TXNL4A: variants seen among roughly 807,000 people sequenced by gnomAD.
The protein encoded by TXNL4A is thioredoxin like 4A.
A neutral mutation model predicts 14.6 loss-of-function variants in TXNL4A; 17 were observed. The ratio of observed to expected loss-of-function variants is 1.16; its 90% CI spans 0.80 to 1.74. The LOEUF is 1.74. TXNL4A is among the 40% of genes most tolerant of loss of function. The pLI, the probability that TXNL4A is intolerant of heterozygous loss-of-function variation, is 0.00. For missense variants in TXNL4A, 74 were observed against 195.2 expected, an observed-to-expected ratio of 0.38 and a Z score of 3.70; for synonymous variants, 83 against 70.6, an observed-to-expected ratio of 1.18 and a Z score of -0.88.
chr18:80,026,022 A>T (rs925225693), intron 1 of TXNL4A, among the ~76,000 whole-genome samples: 3 of 152,248 alleles, frequency 2.0e-5, no homozygotes, highest in African/African-American at 7.2e-5. Context: ...ACACATCTTG[A>T]TATAACTTTT....
chr18:79,976,068 G>T (rs1326239361), intron 2 of TXNL4A, among the ~76,000 whole-genome samples: 2 of 152,176 alleles, frequency 1.3e-5, no homozygotes, highest in Non-Finnish European at 2.9e-5. Context: ...CTAACAGGAG[G>T]CACCTAGGAA....
upstream of TXNL4A, among the ~76,000 whole-genome samples, chr18:79,992,340 AG>A (rs2051633402): frequency 6.6e-6 from 1 of 152,208 alleles, no homozygotes; most frequent in Non-Finnish European, 1.5e-5. Context: ...CGCCAAAGAA[AG>A]GGACTGGCAA....
Position 79,988,531 on chromosome 18 carries a change from A to C in TXNL4A, c.-139T>G. 1.1e-6 allele frequency: 1 copy of C among 921,974 alleles called. No homozygotes were observed. Among genetic ancestry groups the C allele is most frequent in the Non-Finnish European group, 1.4e-6 (1 of 704,476 alleles). The allele number at this position is 921,974 out of a possible 1,614,324, so 57.1% of individuals were successfully genotyped here. On this transcript the variant is annotated 5_prime_UTR_variant, in exon 1 of 3. Transcript: ENST00000269601. ...AATCCGGTCCCGCCCGCACACGCAA[A>C]CTCCGCTGGGACTGCCACCCGGCAG...
intron 1 of TXNL4A, among the ~76,000 whole-genome samples, chr18:79,997,600 TTACTTGGAAAGAAGGGCAATA>T (rs1296008108): frequency 2.0e-5 from 3 of 152,178 alleles, no homozygotes; most frequent in Non-Finnish European, 2.9e-5. Flanking sequence ...TTGTTTACCT[TTACTTGGAAAGAAGGGCAATA>T]TATGTGGACG....
intron 1 of TXNL4A, among the ~76,000 whole-genome samples, chr18:80,021,856 A>G (rs2051851317): frequency 6.6e-6 from 1 of 152,230 alleles, no homozygotes; most frequent in Non-Finnish European, 1.5e-5. Flanking sequence ...AATTTGGACC[A>G]GTATAACAGT....
chr18:80,013,563 T>A (rs2051786621), intron 1 of TXNL4A, among the ~76,000 whole-genome samples: 2 of 152,194 alleles, frequency 1.3e-5, no homozygotes, highest in Admixed American at 1.3e-4. Flanking sequence ...GCCTCCCAAG[T>A]AGCTGGGATT....
intron 2 of TXNL4A, 87 bp downstream of exon 2, chr18:79,977,511 A>G (rs762124416): frequency 1.7e-6 from 2 of 1,196,836 alleles, no homozygotes; most frequent in Non-Finnish European, 2.4e-6. Flanking sequence ...ACTTCCTTCA[A>G]AATAAAATAA....
In TXNL4A at chr18:79,971,269, CAT is replaced by C. The variant is rs2051298439; in HGVS notation, c.*2414_*2415del. On this transcript the variant is annotated 3_prime_UTR_variant, in exon 3 of 3. Coordinates refer to ENST00000269601, the MANE Select transcript of TXNL4A (RefSeq NM_006701.5). ...TTCTGTGTACGAGTTTCTATGTGGA[CAT>C]ATGCGTTCAATTCTCCTGGGTATGA... 1 of 152,272 alleles carries C rather than the reference CAT, an allele frequency of 6.6e-6. No homozygotes were observed. Among genetic ancestry groups the C allele is most frequent in the Non-Finnish European group, 1.5e-5 (1 of 68,062 alleles). 9.4% of individuals were successfully genotyped at this position (152,272 alleles called of 1,614,324 possible). A position where few individuals can be genotyped will look rare whatever the true frequency, so the allele number is the denominator to read the frequency against.
rs114627717 is a variant in TXNL4A at position 80,004,668 on chromosome 18, T to A, written c.-60-26967A>T. ...GAACTCCTCTGTGTACACATTGAAT[T>A]TAGAACTTTAGCTTTGACCCATGCA... is the stretch of plus-strand genomic sequence containing the variant. On this transcript the variant is annotated intron_variant, in intron 1 of 2. Coordinates refer to the TXNL4A transcript ENST00000585474. 8.4e-3 allele frequency among the ~76,000 whole-genome samples: 1,285 copies of A among 152,198 alleles called. 17 individuals carry two copies. The highest frequency in any genetic ancestry group is 0.028 in the South Asian group (133 of 4,814).
At chr18:80,016,481 T>C (rs1263387629) in intron 1 of TXNL4A, among the ~76,000 whole-genome samples, 322 of 152,010 alleles carry the variant, frequency 2.1e-3, no homozygotes, top group Non-Finnish European at 3.7e-3. Flanking sequence ...TCTTCTAGGG[T>C]TTTTATGGTT....
intron 1 of TXNL4A, among the ~76,000 whole-genome samples, chr18:80,019,779 A>T (rs1037966589): frequency 6.6e-6 from 1 of 152,234 alleles, no homozygotes; most frequent in African/African-American, 2.4e-5. Context: ...CTTTTAAAGC[A>T]GAAGAAGGCA....
upstream of TXNL4A, among the ~76,000 whole-genome samples, chr18:79,990,857 C>T (rs900777697): frequency 6.6e-6 from 1 of 152,122 alleles, no homozygotes; most frequent in Non-Finnish European, 1.5e-5. Flanking sequence ...GTAATCCCAG[C>T]ACTTTGGGAG....
chr18:79,976,851 T>G, intron 2 of TXNL4A: 1 of 449,916 alleles, frequency 2.2e-6, no homozygotes, highest in Non-Finnish European at 4.5e-6. Flanking sequence ...ATAATGAAAT[T>G]TTTGAGCTGA....
chr18:79,981,245 GACAGGGTTGTA>G (rs2145069152), intron 1 of TXNL4A, among the ~76,000 whole-genome samples: 1 of 152,262 alleles, frequency 6.6e-6, no homozygotes, highest in South Asian at 2.1e-4. Context: ...ATATCATTTG[GACAGGGTTGTA>G]AATTGTGTAC....
At chr18:79,996,346 C>T (rs561122337) in intron 1 of TXNL4A, among the ~76,000 whole-genome samples, 2 of 152,254 alleles carry the variant, frequency 1.3e-5, no homozygotes, top group South Asian at 4.1e-4. Context: ...ATAAATCCCA[C>T]CTAATTTAGA....
intron 1 of TXNL4A, among the ~76,000 whole-genome samples, chr18:80,008,008 A>G (rs1599745381): frequency 6.6e-6 from 1 of 152,238 alleles, no homozygotes; most frequent in East Asian, 1.9e-4. Context: ...AAAATCAGCC[A>G]GGCGTGGCAG....
chr18:80,029,783 A>G (rs2051909527), intron 1 of TXNL4A, among the ~76,000 whole-genome samples: 1 of 152,190 alleles, frequency 6.6e-6, no homozygotes, highest in Non-Finnish European at 1.5e-5. Flanking sequence ...AAATAATAAC[A>G]GAGGCCCATG....
At chr18:79,976,883 A>T (rs1404228426) in intron 2 of TXNL4A, 1 of 435,212 alleles carries the variant, frequency 2.3e-6, no homozygotes, top group Non-Finnish European at 4.6e-6. Context: ...TGTATTTATA[A>T]GCAAAGTAGT....
chr18:80,002,766 G>C (rs926965164), intron 1 of TXNL4A, among the ~76,000 whole-genome samples: 2 of 152,212 alleles, frequency 1.3e-5, no homozygotes, highest in Non-Finnish European at 2.9e-5. Flanking sequence ...AAACTCCTTT[G>C]TGCATGACCT....
Sources: gnomAD v4.1 joint callset for allele counts (sites outside exome capture counted in the v4.1 genomes callset) on GRCh38, gnomAD v4.1.1 for gene constraint, MANE v1.5 for transcripts, NCBI Gene and HGNC (gene_info 2026-07-23, HGNC 2026-07-21) for gene names.